The following PHRF1 variants were observed in gnomAD, a reference collection of about 807,000 sequenced individuals.
PHRF1 encodes the protein PHD and ring finger domains 1.
In PHRF1, 53 loss-of-function variants were observed where a neutral mutation model predicts 128.9. The ratio of observed to expected loss-of-function variants is 0.41; its 90% CI spans 0.33 to 0.52. The LOEUF is 0.52. PHRF1 is among the 20% of genes least tolerant of loss of function. PHRF1 has a pLI of 0.21. For missense variants in PHRF1, 2,503 were observed against 2,284.5 expected (o/e 1.10, Z -1.95); for synonymous variants, 1,178 against 980.6 (o/e 1.20, Z -3.76).
At chr11:580,964 C>T (rs931792438) in intron 1 of PHRF1, among the ~76,000 whole-genome samples, 12 of 152,258 alleles carry the variant, frequency 7.9e-5, no homozygotes, top group African/African-American at 2.9e-4. Context: ...GCTGGGGTTA[C>T]AGGCGTGAGC....
chr11:597,273 G>C lies in PHRF1; in HGVS notation c.719-122G>C. 1 of 1,259,582 alleles carries C rather than the reference G, an allele frequency of 7.9e-7. No individual in the cohort carries two copies. The highest frequency in any genetic ancestry group is 1.1e-6 in the Non-Finnish European group (1 of 917,344). 78.0% of individuals were successfully genotyped at this position (1,259,582 alleles called of 1,614,324 possible). On this transcript the variant is annotated intron_variant, in intron 7 of 17. Transcript: ENST00000264555. The surrounding 1 kb of genome is among the most constrained non-coding windows in gnomAD (Gnocchi z 6.5). ...AGCACCAGGCTCCATGAGCAGCCCT[G>C]GGTCCTGTGCACAGGTCAGCCCGAG...
At chr11:578,504 G>C (rs891919105) in intron 1 of PHRF1, among the ~76,000 whole-genome samples, 1 of 152,194 alleles carries the variant, frequency 6.6e-6, no homozygotes, top group African/African-American at 2.4e-5. Context: ...ACCCCACACG[G>C]CCTCACTGAT....
chr11:594,758 A>C (rs932015254), intron 6 of PHRF1, among the ~76,000 whole-genome samples: 2 of 152,244 alleles, frequency 1.3e-5, no homozygotes, highest in African/African-American at 4.8e-5. Flanking sequence ...CACTATGCCC[A>C]ACCTAGTTGT....
Position 597,353 on chromosome 11 carries a change from G to C in PHRF1, c.719-42G>C, listed in dbSNP as rs1219448160. 9 of 1,588,598 alleles carry C rather than the reference G, an allele frequency of 5.7e-6. No individual in the cohort carries two copies. Among genetic ancestry groups the C allele is most frequent in the South Asian group, 1.1e-5 (1 of 87,158 alleles). On this transcript the variant is annotated intron_variant, in intron 7 of 17. Coordinates refer to ENST00000264555, the MANE Select transcript of PHRF1 (RefSeq NM_001286581.2). This position sits in a 1 kb window ranked among gnomAD's most constrained non-coding sequence, Gnocchi z 6.5. ...GGGGGAGCCGTTGGGGGAGGCGTGT[G>C]GCCTGTGAGTGTGGCACATCAGCCC...
rs1368276885 is a variant in PHRF1 at position 597,215 on chromosome 11, A to G, written c.719-180A>G. Among the ~76,000 whole-genome samples the G allele has an allele frequency of 6.6e-6, 1 of 151,456 alleles. No homozygotes were observed. Among genetic ancestry groups the G allele is most frequent in the African/African-American group, 2.4e-5 (1 of 41,170 alleles). On this transcript the variant is annotated intron_variant, in intron 7 of 17. Transcript: ENST00000264555. The surrounding 1 kb of genome is among the most constrained non-coding windows in gnomAD (Gnocchi z 6.5). ...CTTCTCGGGGATGTGTGTGGGGTCCATTGGCTGGGGGGTTCCGGTCCTCAG... is the reference window on the plus strand; with the variant it reads ...CTTCTCGGGGATGTGTGTGGGGTCCGTTGGCTGGGGGGTTCCGGTCCTCAG...
intron 1 of PHRF1, among the ~76,000 whole-genome samples, chr11:580,988 C>T (rs1196629079): frequency 7.0e-6 from 1 of 143,704 alleles, no homozygotes; most frequent in Admixed American, 7.0e-5. Flanking sequence ...TATGCCTGGC[C>T]TAATTTTATA....
chr11:601,565 T>C lies in PHRF1; in HGVS notation c.1025-9T>C. 6.2e-7 allele frequency: 1 copy of C among 1,613,532 alleles called. No individual in the cohort carries two copies. Among genetic ancestry groups the C allele is most frequent in the Non-Finnish European group, 8.5e-7 (1 of 1,179,860 alleles). ...CAGAGAAGCACAGACTTCAACCTCTTTTCCTTAGGAAGACGGAAGAAAGTG... is the reference window on the plus strand; with the variant it reads ...CAGAGAAGCACAGACTTCAACCTCTCTTCCTTAGGAAGACGGAAGAAAGTG... On this transcript the variant is annotated splice_polypyrimidine_tract_variant and intron_variant, in intron 9 of 17. Coordinates refer to ENST00000264555, the MANE Select transcript of PHRF1 (RefSeq NM_001286581.2).
At chr11:578,114 C>T (rs1853993877) in intron 1 of PHRF1, among the ~76,000 whole-genome samples, 1 of 152,158 alleles carries the variant, frequency 6.6e-6, no homozygotes, top group African/African-American at 2.4e-5. Context: ...GTTGGGGCTG[C>T]TGGTGCAACC....
At chr11:587,955 A>G (rs1208620776) in intron 4 of PHRF1, among the ~76,000 whole-genome samples, 1 of 152,206 alleles carries the variant, frequency 6.6e-6, no homozygotes, top group African/African-American at 2.4e-5. Context: ...TTCAAAATGA[A>G]CTTTTAGAAG....
chr11:581,353 A>G, intron 1 of PHRF1, 139 bp from the exon 2 acceptor site: 1 of 666,390 alleles, frequency 1.5e-6, no homozygotes. Flanking sequence ...TGTGGGTGAT[A>G]TCTCAGGGCT....
chr11:605,723 A>C lies in PHRF1; in HGVS notation c.1453A>C (p.Arg485=). Residue 485 remains arginine, a splice_region_variant and synonymous_variant, in exon 12 of 18, where the codon AGG becomes CGG. Transcript: ENST00000264555. ...VARPVSVGLS[R]RRLPAAVPEP... is the part of the protein sequence containing the mutation. ...CAGGCCCGTCTCCGTGGGGCTTTCC[A>C]GGTGTGTGAGGGCAGAGGCTTCTGG... The C allele has an allele frequency of 6.2e-7, 1 of 1,608,620 alleles. No homozygotes were observed. Among genetic ancestry groups the C allele is most frequent in the Admixed American group, 1.7e-5 (1 of 59,654 alleles).
intron 13 of PHRF1, 160 bp downstream of exon 13, chr11:606,756 T>G (rs939474297): frequency 2.6e-5 from 30 of 1,137,850 alleles, no homozygotes; most frequent in Non-Finnish European, 3.6e-5. Context: ...CTTGAGCAGT[T>G]TCTCAGTTAG....
chr11:611,753 G>T lies in PHRF1; in HGVS notation c.4926G>T (p.Pro1642=), dbSNP rs1232091409. 1 of 1,609,884 alleles carries T rather than the reference G, an allele frequency of 6.2e-7. No individual in the cohort carries two copies. The highest frequency in any genetic ancestry group is 8.5e-7 in the Non-Finnish European group (1 of 1,178,564). The change falls in exon 18 of 18, where the codon CCG becomes CCT. Residue 1642 remains proline (P), a synonymous_variant. Transcript: ENST00000264555. Reference sequence around the variant, plus strand: ...AGAAACCAGAGGCCGGGGAGGAGCCGCCCACGCAGGGGGCCGAGGGCTGAG... The same window carrying T: ...AGAAACCAGAGGCCGGGGAGGAGCCTCCCACGCAGGGGGCCGAGGGCTGAG... ...RHKKPEAGEE[P]PTQGAEG is the part of the protein sequence containing the mutation.
At chr11:602,951 T>C (rs929870499) in intron 10 of PHRF1, among the ~76,000 whole-genome samples, 6 of 151,906 alleles carry the variant, frequency 3.9e-5, no homozygotes, top group East Asian at 1.9e-4. Context: ...TTATTAGAGA[T>C]AGGGTTTCAC....
In PHRF1 at chr11:607,832, C is replaced by T; in HGVS notation, c.2376C>T (p.Ser792=). 1 of 1,612,816 alleles carries T rather than the reference C, an allele frequency of 6.2e-7. No individual in the cohort carries two copies. ...PGNMAHSSQL[S]SPGFCNTFRP... ...ACATGGCACATTCCAGCCAGCTCTC[C>T]AGCCCTGGCTTCTGTAACACGTTCC... The change falls in exon 14 of 18, where the codon TCC becomes TCT. Residue 792 remains serine (S), a synonymous_variant. Coordinates refer to ENST00000264555, the MANE Select transcript of PHRF1 (RefSeq NM_001286581.2).
rs1425959797 is a variant in PHRF1 at position 587,411 on chromosome 11, C to T, written c.367C>T (p.Pro123Ser). 1 of 1,613,848 alleles carries T rather than the reference C, an allele frequency of 6.2e-7. No homozygotes were observed. ...ATTCAGAGACCAGGCCGTGGGGACGCCGGAGAACTGTGCCCATTACTTCTG... is the reference window on the plus strand; with the variant it reads ...ATTCAGAGACCAGGCCGTGGGGACGTCGGAGAACTGTGCCCATTACTTCTG... ...NAFRDQAVGTPENCAHYFCLD... is the reference protein window; with the variant it reads ...NAFRDQAVGTSENCAHYFCLD... The change falls in exon 4 of 18, where the codon CCG becomes TCG. Residue 123 changes from proline to serine, a missense_variant. Coordinates refer to ENST00000264555, the MANE Select transcript of PHRF1 (RefSeq NM_001286581.2).
chr11:592,436 C>A, intron 5 of PHRF1, 123 bp from the exon 6 acceptor site: 2 of 906,602 alleles, frequency 2.2e-6, no homozygotes, highest in Non-Finnish European at 3.7e-6. Flanking sequence ...ACCCTCTGGG[C>A]CTGTGGAGCC....
At chr11:587,541 G>A (rs1360358196) in intron 4 of PHRF1, 77 bp downstream of exon 4, 2 of 1,468,862 alleles carry the variant, frequency 1.4e-6, no homozygotes, top group African/African-American at 2.8e-5. Context: ...CCTGTGTTCA[G>A]CCTCTTGTGA....
chr11:605,431 C>G (rs571530299), intron 11 of PHRF1, 131 bp downstream of exon 11: 12 of 1,472,650 alleles, frequency 8.1e-6, no homozygotes, highest in Non-Finnish European at 1.1e-5. Context: ...TTCCTCCCAC[C>G]GCCATACGGT....
Sources: gnomAD v4.1 joint callset for allele counts (sites outside exome capture counted in the v4.1 genomes callset) on GRCh38, gnomAD v4.1.1 for gene constraint, Gnocchi (gnomAD v3.1) non-coding constraint, MANE v1.5 for transcripts, NCBI Gene and HGNC (gene_info 2026-07-23, HGNC 2026-07-21) for gene names.